MCTP2: variants seen among roughly 807,000 people sequenced by gnomAD.
MCTP2 encodes multiple C2 and transmembrane domain containing 2.
MCTP2 carries 132 observed loss-of-function variants against 111.6 expected under a neutral mutation model. The observed-to-expected ratio is 1.18, with a 90% CI of 1.03 to 1.37. The LOEUF is 1.37. Ranked by LOEUF, MCTP2 falls within the 40% of genes most tolerant of loss-of-function variation. The probability of loss-of-function intolerance (pLI) is 0.00; values close to 1 mark genes in which losing one functional copy is unlikely to be tolerated. For missense variants in MCTP2, 1,183 were observed against 1,067.9 expected (o/e 1.11, Z -1.50); for synonymous variants, 395 against 387.7 (o/e 1.02, Z -0.22).
At position 94,243,058 on chromosome 15, in the gene MCTP2, CATACACGTGTATATGTGTATCTACACAT is replaced by C. The variant is rs1567249287; in HGVS notation, c.-66+11399_-66+11426del. On this transcript the variant is annotated intron_variant, in intron 1 of 22. Coordinates refer to ENST00000357742, the MANE Select transcript of MCTP2 (RefSeq NM_001385001.1). Reference sequence around the variant, plus strand: ...ATACACGTGTATATGTGTATCTACACATACACGTGTATATGTGTATCTACACATATACGTGTATATGTGTATCTACGGG... The same window carrying C: ...ATACACGTGTATATGTGTATCTACACATACGTGTATATGTGTATCTACGGG... 6.9e-5 allele frequency among the ~76,000 whole-genome samples: 3 copies of C among 43,306 alleles called. 1 individual carries two copies. Among genetic ancestry groups the C allele is most frequent in the African/African-American group, 3.1e-4 (3 of 9,762 alleles). 28.4% of individuals were successfully genotyped at this position (43,306 alleles called of 152,430 possible). A position where few individuals can be genotyped will look rare whatever the true frequency, so the allele number is the denominator to read the frequency against.
At chr15:94,312,784 C>A (rs933924547) in intron 2 of MCTP2, among the ~76,000 whole-genome samples, 1 of 152,216 alleles carries the variant, frequency 6.6e-6, no homozygotes, top group Non-Finnish European at 1.5e-5. Context: ...GATGTCACTG[C>A]ATGCAGAGGC....
At chr15:94,331,640 T>G (rs1175870247) in intron 4 of MCTP2, among the ~76,000 whole-genome samples, 1 of 152,230 alleles carries the variant, frequency 6.6e-6, no homozygotes, top group African/African-American at 2.4e-5. Flanking sequence ...TTTAGTAACA[T>G]TGAAAATTTC....
intron 14 of MCTP2, among the ~76,000 whole-genome samples, 170 bp downstream of exon 14, chr15:94,385,695 G>T (rs2080424149): frequency 6.6e-6 from 1 of 152,152 alleles, no homozygotes; most frequent in African/African-American, 2.4e-5. Context: ...AGTAGTTTCA[G>T]ATATAAAGGG....
At chr15:94,292,444 A>C (rs1228724132) in intron 1 of MCTP2, among the ~76,000 whole-genome samples, 1 of 152,242 alleles carries the variant, frequency 6.6e-6, no homozygotes, top group African/African-American at 2.4e-5. Context: ...TACAAAGCCA[A>C]TATAAAAAAA....
chr15:94,405,737 A>G (rs959044539), intron 17 of MCTP2, among the ~76,000 whole-genome samples: 6 of 152,200 alleles, frequency 3.9e-5, no homozygotes, highest in Non-Finnish European at 7.4e-5. Context: ...TCAAGTTTCT[A>G]TAGACTCAGT....
intron 19 of MCTP2, among the ~76,000 whole-genome samples, chr15:94,454,861 C>G (rs1567741749): frequency 6.6e-6 from 1 of 152,264 alleles, no homozygotes; most frequent in East Asian, 1.9e-4. Flanking sequence ...CGCTCTGTGG[C>G]CCAGACTGGA....
chr15:94,404,532 C>T (rs926662718), intron 17 of MCTP2, among the ~76,000 whole-genome samples: 4 of 152,122 alleles, frequency 2.6e-5, no homozygotes, highest in Non-Finnish European at 4.4e-5. Context: ...GAACCTCGAC[C>T]TTGTGATCCA....
At chr15:94,394,874 C>G (rs1274560075) in intron 14 of MCTP2, among the ~76,000 whole-genome samples, 1 of 152,066 alleles carries the variant, frequency 6.6e-6, no homozygotes, top group East Asian at 1.9e-4. Context: ...GTAGGAGCAG[C>G]TTATATTTTA....
intron 1 of MCTP2, among the ~76,000 whole-genome samples, chr15:94,249,825 T>C (rs997161424): frequency 2.6e-5 from 4 of 152,134 alleles, no homozygotes; most frequent in African/African-American, 9.7e-5. Context: ...GTAGCTGTCA[T>C]GAGTTGATCT....
chr15:94,436,210 A>G (rs548692817), intron 17 of MCTP2, among the ~76,000 whole-genome samples: 2 of 152,218 alleles, frequency 1.3e-5, no homozygotes, highest in African/African-American at 4.8e-5. Flanking sequence ...TAAATTTTTC[A>G]TTGGAGTTTT....
In MCTP2 at chr15:94,293,984, A is replaced by T. The variant is rs558753601; in HGVS notation, c.-65-4217A>T. Among the ~76,000 whole-genome samples, 15 of 152,306 alleles carry T rather than the reference A, an allele frequency of 9.8e-5. No individual in the cohort carries two copies. The East Asian group carries it at 2.9e-3, about 29-fold the overall frequency. ...ACAACCCAAATGTCCTTCAAGGGGT[A>T]AATAGATTAATTGTGGTACATCCAC... On this transcript the variant is annotated intron_variant, in intron 1 of 22. Coordinates refer to ENST00000357742, the MANE Select transcript of MCTP2 (RefSeq NM_001385001.1).
intron 8 of MCTP2, among the ~76,000 whole-genome samples, chr15:94,345,786 A>G (rs920425460): frequency 1.3e-5 from 2 of 152,264 alleles, no homozygotes; most frequent in Admixed American, 6.5e-5. Flanking sequence ...TAGTGTAAAA[A>G]TAAACACAGC....
intron 11 of MCTP2, among the ~76,000 whole-genome samples, chr15:94,368,857 C>T (rs745805230): frequency 6.6e-6 from 1 of 152,178 alleles, no homozygotes; most frequent in Non-Finnish European, 1.5e-5. Flanking sequence ...ATCATAATGC[C>T]TGCTTTGAAT....
intron 17 of MCTP2, among the ~76,000 whole-genome samples, chr15:94,419,756 A>T (rs1461304863): frequency 3.4e-5 from 5 of 147,096 alleles, no homozygotes; most frequent in African/African-American, 5.0e-5. Flanking sequence ...CATACTGCTT[A>T]TTTTTTTTTT....
chr15:94,313,837 A>G (rs1378764201), intron 2 of MCTP2, among the ~76,000 whole-genome samples: 1 of 152,186 alleles, frequency 6.6e-6, no homozygotes, highest in African/African-American at 2.4e-5. Flanking sequence ...GGCTTGAGGA[A>G]TGTCTCTCAG....
intron 22 of MCTP2, among the ~76,000 whole-genome samples, chr15:94,477,404 T>C (rs1415026899): frequency 2.0e-5 from 3 of 152,158 alleles, no homozygotes; most frequent in African/African-American, 7.2e-5. Flanking sequence ...TTTCTGTGGA[T>C]ACACAGAGAT....
chr15:94,402,795 C>T (rs2081667537), intron 17 of MCTP2: 3 of 1,398,818 alleles, frequency 2.1e-6, no homozygotes. Flanking sequence ...TGGTATCATG[C>T]CATTCATTTC....
chr15:94,440,912 C>A (rs1317994528), intron 18 of MCTP2, among the ~76,000 whole-genome samples: 2 of 152,208 alleles, frequency 1.3e-5, no homozygotes, highest in African/African-American at 2.4e-5. Flanking sequence ...CACTTCCACT[C>A]TGACTCTCCT....
At position 94,349,939 on chromosome 15, in the gene MCTP2, T is replaced by C. The variant is rs1000090378; in HGVS notation, c.1005+4775T>C. Among the ~76,000 whole-genome samples the C allele has an allele frequency of 5.3e-5, 8 of 152,168 alleles. No individual in the cohort carries two copies. The East Asian group carries it at 1.5e-3, about 29-fold the overall frequency. Reference sequence around the variant, plus strand: ...GGTAAGATCTCCAAACTATTTATTGTAGGACTCTAAACAGCTTGCTTTTCG... The same window carrying C: ...GGTAAGATCTCCAAACTATTTATTGCAGGACTCTAAACAGCTTGCTTTTCG... On this transcript the variant is annotated intron_variant, in intron 8 of 22. Transcript: ENST00000357742.
Sources: gnomAD v4.1 joint callset for allele counts (sites outside exome capture counted in the v4.1 genomes callset) on GRCh38, gnomAD v4.1.1 for gene constraint, MANE v1.5 for transcripts, NCBI Gene and HGNC (gene_info 2026-07-23, HGNC 2026-07-21) for gene names.